Variants in SERPINI2 observed in about 807,000 individuals in gnomAD.
SERPINI2 encodes the protein serpin family I member 2.
Under a neutral mutation model 47.3 loss-of-function variants are expected in SERPINI2, and 48 were observed. That is an observed-to-expected ratio of 1.02 (90% CI 0.81 to 1.29). The LOEUF is 1.29. Ranked by LOEUF, SERPINI2 falls within the 50% of genes most tolerant of loss-of-function variation. The probability of loss-of-function intolerance (pLI) is 0.00; values close to 1 mark genes in which losing one functional copy is unlikely to be tolerated. For missense variants in SERPINI2, 448 were observed against 456.9 expected (o/e 0.98, Z 0.18); for synonymous variants, 135 against 149.3 (o/e 0.90, Z 0.70).
At chr3:167,462,305 C>T (rs911818911) in intron 5 of SERPINI2, among the ~76,000 whole-genome samples, 4 of 152,130 alleles carry the variant, frequency 2.6e-5, no homozygotes, top group African/African-American at 9.7e-5. Flanking sequence ...AACTGGGTAT[C>T]TTAAATAACA....
In SERPINI2 at chr3:167,454,869, G is replaced by C. The variant is rs114420908; in HGVS notation, c.867-1836C>G. On this transcript the variant is annotated intron_variant, in intron 5 of 8. Transcript: ENST00000264677. Reference sequence around the variant, plus strand: ...GATAAATTATAGTTTTTAATCTTTAGAAAAATCTAAGGAAGTCGGCATTAT... The same window carrying C: ...GATAAATTATAGTTTTTAATCTTTACAAAAATCTAAGGAAGTCGGCATTAT... Among the ~76,000 whole-genome samples, 934 of 152,256 alleles carry C rather than the reference G, an allele frequency of 6.1e-3. 8 individuals carry two copies. The highest frequency in any genetic ancestry group is 0.021 in the African/African-American group (887 of 41,546).
chr3:167,455,587 G>A (rs545462149), intron 5 of SERPINI2, among the ~76,000 whole-genome samples: 5 of 111,440 alleles, frequency 4.5e-5, no homozygotes, highest in South Asian at 5.6e-4. Context: ...AAAGAAATAC[G>A]AGTCTCAAAA....
chr3:167,474,140 A>G, upstream of SERPINI2: 1 of 992,096 alleles, frequency 1.0e-6, no homozygotes, highest in Non-Finnish European at 1.2e-6. Context: ...CCTCTAGAAC[A>G]AAAGCAGGTG....
chr3:167,471,610 TAA>T lies in SERPINI2; in HGVS notation c.223_224del (p.Leu75LysfsTer31). On this transcript the variant is annotated frameshift_variant, in exon 2 of 9. Transcript: ENST00000264677. LOFTEE classifies it high-confidence loss of function. ...CACCAGCTGAGGTTTCCTGTTGTTT[TAA>T]AGTTTGTCTTATCTGCTGCTGTGCT... The T allele has an allele frequency of 6.2e-7, 1 of 1,613,552 alleles. No homozygotes were observed. The highest frequency in any genetic ancestry group is 1.1e-5 in the South Asian group (1 of 91,056).
upstream of SERPINI2, among the ~76,000 whole-genome samples, chr3:167,475,477 T>C (rs920621073): frequency 6.6e-6 from 1 of 151,824 alleles, no homozygotes; most frequent in Non-Finnish European, 1.5e-5. Flanking sequence ...ACCGTCACTC[T>C]GTCCTACTAA....
intron 5 of SERPINI2, among the ~76,000 whole-genome samples, chr3:167,458,342 C>A (rs1243176375): frequency 1.3e-5 from 2 of 150,680 alleles, no homozygotes; most frequent in Non-Finnish European, 3.0e-5. Context: ...GCTCCGCCTC[C>A]CAGGTTCACG....
chr3:167,444,057 A>C (rs1451855830), intron 8 of SERPINI2, among the ~76,000 whole-genome samples: 7 of 152,184 alleles, frequency 4.6e-5, no homozygotes, highest in Non-Finnish European at 1.5e-5. Flanking sequence ...GGCGAGAAAA[A>C]AAATTCTTAA....
chr3:167,448,735 G>A (rs1749554683), intron 7 of SERPINI2, among the ~76,000 whole-genome samples: 1 of 151,990 alleles, frequency 6.6e-6, no homozygotes, highest in African/African-American at 2.4e-5. Flanking sequence ...TGTTATCCAG[G>A]ATGGTCTCAA....
At chr3:167,444,674 G>A (rs574631531) in intron 8 of SERPINI2, among the ~76,000 whole-genome samples, 178 of 152,186 alleles carry the variant, frequency 1.2e-3, no homozygotes, top group African/African-American at 4.1e-3. Flanking sequence ...TAAATGAGCG[G>A]CCATTTATTT....
exon 9 of SERPINI2, chr3:167,442,147 T>G: frequency 1.2e-6 from 2 of 1,601,860 alleles, no homozygotes; most frequent in Non-Finnish European, 1.7e-6. Context: ...ATCTCCTGGG[T>G]GTCAGGATTT....
chr3:167,466,780 C>T (rs1420505875), intron 3 of SERPINI2, among the ~76,000 whole-genome samples: 1 of 151,932 alleles, frequency 6.6e-6, no homozygotes, highest in Non-Finnish European at 1.5e-5. Context: ...TATGTTTTAA[C>T]AAAAATTATT....
At chr3:167,454,905 G>A (rs1022291798) in intron 5 of SERPINI2, among the ~76,000 whole-genome samples, 6 of 152,094 alleles carry the variant, frequency 3.9e-5, no homozygotes, top group African/African-American at 7.2e-5. Context: ...TTCCATTAAC[G>A]TATAAGAAAA....
At chr3:167,451,444 T>C (rs1486571140) in intron 6 of SERPINI2, among the ~76,000 whole-genome samples, 2 of 152,202 alleles carry the variant, frequency 1.3e-5, no homozygotes, top group Admixed American at 1.3e-4. Flanking sequence ...ATTGTACAAA[T>C]GATAAGTAGA....
At chr3:167,451,149 T>A (rs1322309192) in intron 6 of SERPINI2, among the ~76,000 whole-genome samples, 2 of 152,176 alleles carry the variant, frequency 1.3e-5, no homozygotes, top group Non-Finnish European at 2.9e-5. Flanking sequence ...TTAAACTAGA[T>A]GATTTACATA....
At chr3:167,474,435 G>T (rs1484359695), upstream of SERPINI2, among the ~76,000 whole-genome samples, 3 of 151,626 alleles carry the variant, frequency 2.0e-5, no homozygotes, top group Non-Finnish European at 4.4e-5. Context: ...ATGAGAAAAA[G>T]AATAAAGCTA....
chr3:167,451,866 G>A (rs1252019925), intron 6 of SERPINI2, among the ~76,000 whole-genome samples: 1 of 152,170 alleles, frequency 6.6e-6, no homozygotes, highest in Admixed American at 6.5e-5. Context: ...GTGTCTCAGG[G>A]CACACTTACA....
intron 7 of SERPINI2, among the ~76,000 whole-genome samples, chr3:167,447,366 G>C (rs2108151414): frequency 6.6e-6 from 1 of 152,186 alleles, no homozygotes; most frequent in African/African-American, 2.4e-5. Context: ...AAATCCAAAA[G>C]CAAGATCAGT....
At chr3:167,458,935 T>C (rs913801363) in intron 5 of SERPINI2, among the ~76,000 whole-genome samples, 1 of 152,228 alleles carries the variant, frequency 6.6e-6, no homozygotes, top group African/African-American at 2.4e-5. Context: ...CTTGTTTATT[T>C]ACCTTATGTG....
At chr3:167,454,359 G>A (rs1388223346) in intron 5 of SERPINI2, among the ~76,000 whole-genome samples, 1 of 152,174 alleles carries the variant, frequency 6.6e-6, no homozygotes, top group African/African-American at 2.4e-5. Flanking sequence ...ACCTGGGAAT[G>A]GACACAACAT....
Sources: allele counts gnomAD v4.1 joint callset (sites outside exome capture counted in the v4.1 genomes callset), GRCh38; gene constraint gnomAD v4.1.1; transcripts MANE v1.5; gene names NCBI Gene and HGNC (gene_info 2026-07-23, HGNC 2026-07-21).